The following PLEKHG7 variants were observed in gnomAD, a reference collection of about 807,000 sequenced individuals.
PLEKHG7 encodes the protein pleckstrin homology domain-containing family G member 7.
PLEKHG7 carries 77 observed loss-of-function variants against 85.2 expected under a neutral mutation model. That is an observed-to-expected ratio of 0.90 (90% CI 0.75 to 1.09). The LOEUF is 1.09. PLEKHG7 is among the 50% of genes least tolerant of loss of function. The pLI, the probability that PLEKHG7 is intolerant of heterozygous loss-of-function variation, is 0.00. For synonymous variants in PLEKHG7, 301 were observed against 302.4 expected, an observed-to-expected ratio of 1.00 and a Z score of 0.05; for missense variants, 777 against 804.3, an observed-to-expected ratio of 0.97 and a Z score of 0.41.
intron 3 of PLEKHG7, among the ~76,000 whole-genome samples, chr12:92,714,181 C>T (rs1871419935): frequency 6.6e-6 from 1 of 152,174 alleles, no homozygotes; most frequent in Non-Finnish European, 1.5e-5. Context: ...CATTATCTTG[C>T]CTGCCAACTG....
At chr12:92,712,219 G>A (rs772006062) in intron 3 of PLEKHG7, among the ~76,000 whole-genome samples, 35 of 152,198 alleles carry the variant, frequency 2.3e-4, no homozygotes, top group East Asian at 3.8e-4. Context: ...TTGCGGAGGC[G>A]AAAAGCGATC....
chr12:92,736,269 C>A (rs1040601259), intron 5 of PLEKHG7, among the ~76,000 whole-genome samples: 2 of 151,778 alleles, frequency 1.3e-5, no homozygotes, highest in African/African-American at 4.8e-5. Flanking sequence ...AAGGTAGTCT[C>A]ACGGGCCTGT....
chr12:92,730,577 C>G (rs1189051569), intron 4 of PLEKHG7, among the ~76,000 whole-genome samples: 2 of 152,138 alleles, frequency 1.3e-5, no homozygotes, highest in Non-Finnish European at 2.9e-5. Context: ...ACCACCACGC[C>G]TGGCTAATTT....
In PLEKHG7 at chr12:92,703,133, G is replaced by A. The variant is rs1871128400; in HGVS notation, c.-162+1G>A. 6.6e-6 allele frequency: 1 copy of A among 152,264 alleles called. No homozygotes were observed. The highest frequency in any genetic ancestry group is 2.1e-4 in the South Asian group (1 of 4,828). The allele number at this position is 152,264 out of a possible 1,614,324, so 9.4% of individuals were successfully genotyped here. On this transcript the variant is annotated splice_donor_variant, in intron 1 of 16. Transcript: ENST00000344636. LOFTEE classifies it low-confidence loss of function (5UTR_SPLICE). ...CCTTCAGGGACAGACCATCTTACAG[G>A]TATTAAAGGCAACATTCAGCTGCTT...
chr12:92,709,910 T>TGTG (rs557202027), intron 3 of PLEKHG7, among the ~76,000 whole-genome samples: 6 of 152,100 alleles, frequency 3.9e-5, no homozygotes, highest in Non-Finnish European at 8.8e-5. Context: ...ATAAGCTGGG[T>TGTG]GTGGTGGTGG....
intron 10 of PLEKHG7, among the ~76,000 whole-genome samples, chr12:92,746,552 C>T (rs922151394): frequency 2.0e-5 from 3 of 152,166 alleles, no homozygotes; most frequent in Non-Finnish European, 2.9e-5. Context: ...TTTCCAAATG[C>T]ATGAATAATC....
chr12:92,716,723 A>C (rs1054377189), intron 3 of PLEKHG7, among the ~76,000 whole-genome samples: 1 of 152,244 alleles, frequency 6.6e-6, no homozygotes, highest in Non-Finnish European at 1.5e-5. Context: ...CCCGCATCTT[A>C]TAAATGTCTC....
intron 7 of PLEKHG7, among the ~76,000 whole-genome samples, chr12:92,738,940 C>T (rs899570874): frequency 3.9e-5 from 6 of 152,094 alleles, no homozygotes; most frequent in African/African-American, 7.2e-5. Flanking sequence ...TACAAGAGCA[C>T]GTAATAGAAA....
intron 13 of PLEKHG7, among the ~76,000 whole-genome samples, chr12:92,757,134 C>T (rs1872857717): frequency 6.6e-6 from 1 of 152,200 alleles, no homozygotes; most frequent in Non-Finnish European, 1.5e-5. Context: ...TGGCTCACTC[C>T]CTGCTCAGCC....
intron 3 of PLEKHG7, among the ~76,000 whole-genome samples, chr12:92,710,123 A>G (rs559916271): frequency 2.6e-5 from 4 of 152,320 alleles, no homozygotes. Context: ...GTGGATCACT[A>G]GGGGTGATGA....
At chr12:92,754,456 A>G (rs913989802) in intron 11 of PLEKHG7, among the ~76,000 whole-genome samples, 192 bp downstream of exon 11, 2 of 152,154 alleles carry the variant, frequency 1.3e-5, no homozygotes, top group East Asian at 3.9e-4. Context: ...ATCCTGGCGA[A>G]CCCTATGAGA....
At chr12:92,704,162 T>G (rs1336786337) in intron 1 of PLEKHG7, among the ~76,000 whole-genome samples, 1 of 152,056 alleles carries the variant, frequency 6.6e-6, no homozygotes, top group Non-Finnish European at 1.5e-5. Context: ...TCAGGAGCAC[T>G]GCAGCATGAG....
chr12:92,765,041 C>G (rs902938839), intron 15 of PLEKHG7, among the ~76,000 whole-genome samples: 4 of 152,112 alleles, frequency 2.6e-5, no homozygotes, highest in Non-Finnish European at 5.9e-5. Context: ...TCACCATCCC[C>G]CTCAATTCCC....
intron 3 of PLEKHG7, among the ~76,000 whole-genome samples, chr12:92,726,051 G>C (rs908760373): frequency 6.6e-6 from 1 of 152,138 alleles, no homozygotes; most frequent in Non-Finnish European, 1.5e-5. Flanking sequence ...ACCTAATAGG[G>C]CATGATACAC....
chr12:92,733,494 T>C (rs1186326441), intron 5 of PLEKHG7, among the ~76,000 whole-genome samples: 1 of 152,180 alleles, frequency 6.6e-6, no homozygotes, highest in African/African-American at 2.4e-5. Context: ...GTTAGTAAAA[T>C]GGTAACACCA....
At chr12:92,734,023 A>G (rs1183711922) in intron 5 of PLEKHG7, among the ~76,000 whole-genome samples, 1 of 152,234 alleles carries the variant, frequency 6.6e-6, no homozygotes, top group East Asian at 1.9e-4. Context: ...ACACAAAGGA[A>G]GAATAATTAG....
At chr12:92,710,137 G>A (rs1168897466) in intron 3 of PLEKHG7, among the ~76,000 whole-genome samples, 1 of 152,212 alleles carries the variant, frequency 6.6e-6, no homozygotes, top group Non-Finnish European at 1.5e-5. Context: ...GTGATGATGA[G>A]TAGTGCCACT....
Position 92,736,524 on chromosome 12 carries a change from C to T in PLEKHG7, c.742C>T (p.Leu248=), listed in dbSNP as rs1341070237. Residue 248 remains leucine (L), a synonymous_variant, in exon 6 of 17, where the codon CTG becomes TTG. Transcript: ENST00000344636. ...GCACATATCTGATCTGGAAAACTGC[C>T]TGTCCTCTGTGAAAATTACCAGCTT... is the stretch of plus-strand genomic sequence containing the variant. ...HKHISDLENC[L]SSVKITSFRG... 3 of 1,231,972 alleles carry T rather than the reference C, an allele frequency of 2.4e-6. No individual in the cohort carries two copies. Among genetic ancestry groups the T allele is most frequent in the Non-Finnish European group, 3.0e-6 (3 of 987,838 alleles). The allele number at this position is 1,231,972 out of a possible 1,614,324, so 76.3% of individuals were successfully genotyped here.
chr12:92,770,302 AT>A lies in PLEKHG7; in HGVS notation c.*111del. On this transcript the variant is annotated 3_prime_UTR_variant, in exon 17 of 17. Transcript: ENST00000344636. ...AGTGATAAGCTAGAAGGAAATTTGC[AT>A]TTTAAAGAAGTTTCAGAATTTGAAA... is the stretch of plus-strand genomic sequence containing the variant. 1 of 887,404 alleles carries A rather than the reference AT, an allele frequency of 1.1e-6. No individual in the cohort carries two copies. The highest frequency in any genetic ancestry group is 1.7e-6 in the Non-Finnish European group (1 of 576,258). The allele number at this position is 887,404 out of a possible 1,614,324, so 55.0% of individuals were successfully genotyped here.
Sources: gnomAD v4.1 joint callset for allele counts (sites outside exome capture counted in the v4.1 genomes callset) on GRCh38, gnomAD v4.1.1 for gene constraint, MANE v1.5 for transcripts, NCBI Gene and HGNC (gene_info 2026-07-23, HGNC 2026-07-21) for gene names.